Variants in SHC4 observed in about 807,000 individuals in gnomAD.
SHC4 encodes the protein SHC adaptor protein 4, also known as SHC-transforming protein 4.
SHC4 carries 41 observed loss-of-function variants against 69.4 expected under a neutral mutation model. The ratio of observed to expected loss-of-function variants is 0.59; its 90% CI spans 0.46 to 0.77. The LOEUF (loss-of-function observed/expected upper bound fraction) is 0.77. Ranked by LOEUF, SHC4 falls within the 30% of genes least tolerant of loss-of-function variation. The pLI, the probability that SHC4 is intolerant of heterozygous loss-of-function variation, is 0.00. For synonymous variants in SHC4, 318 were observed against 299.3 expected (o/e 1.06, Z -0.64); for missense variants, 777 against 783.8 (o/e 0.99, Z 0.10).
rs531364533 is a variant in SHC4 at position 48,892,431 on chromosome 15, T to C, written c.657-1620A>G. 4.1e-4 allele frequency among the ~76,000 whole-genome samples: 63 copies of C among 152,276 alleles called. No individual in the cohort carries two copies. The East Asian group carries it at 6.4e-3, about 15-fold the overall frequency. ...CTCAGAATTTCATATTTATTGTTTC[T>C]CTAGGATTCTATCCTTTGTTCTCTG... On this transcript the variant is annotated intron_variant, in intron 2 of 11. Coordinates refer to ENST00000332408, the MANE Select transcript of SHC4 (RefSeq NM_203349.4).
intron 2 of SHC4, among the ~76,000 whole-genome samples, chr15:48,916,926 T>C (rs1347201340): frequency 6.6e-6 from 1 of 152,244 alleles, no homozygotes; most frequent in East Asian, 1.9e-4. Flanking sequence ...AGGTCCCTTC[T>C]GCCAATGGTG....
At chr15:48,835,896 G>A (rs1428616201) in intron 10 of SHC4, among the ~76,000 whole-genome samples, 1 of 151,980 alleles carries the variant, frequency 6.6e-6, no homozygotes, top group African/African-American at 2.4e-5. Context: ...TAGAAAGGGT[G>A]GCCAGACAGG....
At position 48,843,424 on chromosome 15, in the gene SHC4, G is replaced by A; in HGVS notation, c.1468C>T (p.Pro490Ser). 6.2e-7 allele frequency: 1 copy of A among 1,612,640 alleles called. No homozygotes were observed. Among genetic ancestry groups the A allele is most frequent in the Non-Finnish European group, 8.5e-7 (1 of 1,178,966 alleles). The change falls in exon 10 of 12, where the codon CCA becomes TCA. Residue 490 changes from proline (P) to serine (S), a missense_variant. Coordinates refer to ENST00000332408, the MANE Select transcript of SHC4 (RefSeq NM_203349.4). The stretch of plus-strand genomic sequence containing the variant: ...AGCTACTTACTTCCGCAGTGCCATG[G>A]GCTCCCCAGTGGTTGGGCTGACCTT... ...NQRSAQPLGS[P>S]WHCGKAPETV... is the part of the protein sequence containing the mutation.
chr15:48,924,104 A>G (rs1223515741), intron 2 of SHC4, among the ~76,000 whole-genome samples: 1 of 152,118 alleles, frequency 6.6e-6, no homozygotes, highest in Non-Finnish European at 1.5e-5. Flanking sequence ...CACCTTCAGA[A>G]CAGGAGGCCT....
intron 2 of SHC4, among the ~76,000 whole-genome samples, chr15:48,896,565 C>T (rs1900225038): frequency 6.6e-6 from 1 of 152,114 alleles, no homozygotes; most frequent in Non-Finnish European, 1.5e-5. Flanking sequence ...AGGTGATCTG[C>T]CCGCCTGGCC....
At chr15:48,939,383 C>T (rs191842482) in intron 1 of SHC4, among the ~76,000 whole-genome samples, 8 of 152,266 alleles carry the variant, frequency 5.3e-5, no homozygotes, top group Admixed American at 3.9e-4. Context: ...ACAATGGGCA[C>T]AGCATGTGCA....
At chr15:48,906,487 C>T (rs1900407845) in intron 2 of SHC4, among the ~76,000 whole-genome samples, 1 of 152,016 alleles carries the variant, frequency 6.6e-6, no homozygotes, top group African/African-American at 2.4e-5. Context: ...CCTACTCCCC[C>T]ATCTCATCCC....
intron 1 of SHC4, among the ~76,000 whole-genome samples, chr15:48,944,778 C>G (rs1159976799): frequency 6.6e-6 from 1 of 152,190 alleles, no homozygotes; most frequent in Non-Finnish European, 1.5e-5. Context: ...AAAAAGATCT[C>G]TGTGAAAAGG....
intron 1 of SHC4, among the ~76,000 whole-genome samples, chr15:48,939,269 C>T (rs986119879): frequency 6.6e-6 from 1 of 152,140 alleles, no homozygotes; most frequent in African/African-American, 2.4e-5. Flanking sequence ...GTCAGAGAGG[C>T]TCCAGACCAG....
At chr15:48,871,511 C>A (rs1899677344) in intron 5 of SHC4, among the ~76,000 whole-genome samples, 1 of 152,200 alleles carries the variant, frequency 6.6e-6, no homozygotes, top group South Asian at 2.1e-4. Context: ...CTCCATTCTG[C>A]AGAGTAGGCT....
At chr15:48,871,547 G>A (rs886778460) in intron 5 of SHC4, among the ~76,000 whole-genome samples, 1 of 152,186 alleles carries the variant, frequency 6.6e-6, no homozygotes, top group Admixed American at 6.5e-5. Context: ...CAATTTCTGG[G>A]AAGTGAGTAT....
intron 4 of SHC4, among the ~76,000 whole-genome samples, chr15:48,881,520 G>A (rs2141001210): frequency 6.6e-6 from 1 of 152,208 alleles, no homozygotes; most frequent in East Asian, 1.9e-4. Flanking sequence ...TCTTGTGCTT[G>A]CACAGCTTGC....
intron 6 of SHC4, among the ~76,000 whole-genome samples, chr15:48,859,306 GGTGTGTGTGT>G (rs58641880): frequency 1.1e-4 from 16 of 145,924 alleles, no homozygotes; most frequent in South Asian, 1.1e-3. Context: ...ATTTGAAAGG[GGTGTGTGTGT>G]GTGTGTGTGT....
intron 2 of SHC4, among the ~76,000 whole-genome samples, chr15:48,896,986 AAC>A (rs1174695129): frequency 6.6e-6 from 1 of 152,230 alleles, no homozygotes; most frequent in Non-Finnish European, 1.5e-5. Context: ...AGAAAAAGAA[AAC>A]AGAGTTGAGA....
chr15:48,860,747 G>A (rs930141475), intron 6 of SHC4, among the ~76,000 whole-genome samples: 1 of 152,128 alleles, frequency 6.6e-6, no homozygotes, highest in Non-Finnish European at 1.5e-5. Context: ...AAAGAACTCC[G>A]TGAAAAGATT....
At chr15:48,959,168 G>C (rs1026725044) in intron 1 of SHC4, among the ~76,000 whole-genome samples, 2 of 152,286 alleles carry the variant, frequency 1.3e-5, no homozygotes, top group African/African-American at 4.8e-5. Context: ...ACAAAGTAAA[G>C]AGTAGCTATA....
intron 1 of SHC4, among the ~76,000 whole-genome samples, chr15:48,954,751 G>A (rs952000005): frequency 3.9e-5 from 6 of 152,180 alleles, no homozygotes; most frequent in Admixed American, 2.6e-4. Flanking sequence ...ACCAAGTTTA[G>A]TCTATCCTGA....
At chr15:48,908,985 G>T (rs766040503) in intron 2 of SHC4, among the ~76,000 whole-genome samples, 17 of 152,130 alleles carry the variant, frequency 1.1e-4, no homozygotes, top group Non-Finnish European at 2.1e-4. Flanking sequence ...GTAATGTGAT[G>T]CCTCCAGATT....
chr15:48,872,761 G>A (rs1218946685), intron 4 of SHC4, among the ~76,000 whole-genome samples: 1 of 152,186 alleles, frequency 6.6e-6, no homozygotes, highest in Non-Finnish European at 1.5e-5. Flanking sequence ...CTTCTAATAT[G>A]AGTAAGAATC....
Sources: gnomAD v4.1 joint callset for allele counts (sites outside exome capture counted in the v4.1 genomes callset) on GRCh38, gnomAD v4.1.1 for gene constraint, MANE v1.5 for transcripts, NCBI Gene and HGNC (gene_info 2026-07-23, HGNC 2026-07-21) for gene names.